PARD3: variants seen among roughly 807,000 people sequenced by gnomAD.
PARD3 encodes the protein partitioning defective 3 homolog.
PARD3 carries 75 observed loss-of-function variants against 155.4 expected under a neutral mutation model. That is an observed-to-expected ratio of 0.48 (90% CI 0.40 to 0.58). The LOEUF (loss-of-function observed/expected upper bound fraction) is 0.58. Ranked by LOEUF, PARD3 falls within the 20% of genes least tolerant of loss-of-function variation. PARD3 has a pLI of 0.00. For synonymous variants in PARD3, 576 were observed against 610.5 expected, an observed-to-expected ratio of 0.94 and a Z score of 0.83; for missense variants, 1,642 against 1,721.7, an observed-to-expected ratio of 0.95 and a Z score of 0.82.
At chr10:34,338,135 A>C (rs777817701) in intron 16 of PARD3, among the ~76,000 whole-genome samples, 2 of 152,268 alleles carry the variant, frequency 1.3e-5, no homozygotes, top group Non-Finnish European at 2.9e-5. Context: ...AGATGAGTGA[A>C]TAAACAGTAT....
In PARD3 at chr10:34,317,167, T is replaced by C; in HGVS notation, c.3005A>G (p.Lys1002Arg). The C allele has an allele frequency of 6.2e-7, 1 of 1,602,470 alleles. No individual in the cohort carries two copies. The highest frequency in any genetic ancestry group is 8.5e-7 in the Non-Finnish European group (1 of 1,173,818). ...TGKEKKKDRD[K>R]EKDKMKAKKG... ...CTTGGCTTTCATTTTATCCTTCTCCTTATCTCTATCTTTCTTCTTTTCTTT... is the reference window on the plus strand; with the variant it reads ...CTTGGCTTTCATTTTATCCTTCTCCCTATCTCTATCTTTCTTCTTTTCTTT... Residue 1002 changes from lysine (K) to arginine (R), a missense_variant, in exon 20 of 25, where the codon AAG becomes AGG. Coordinates refer to ENST00000374788, the MANE Select transcript of PARD3 (RefSeq NM_001184785.2).
At chr10:34,469,944 T>G in intron 4 of PARD3, 141 bp downstream of exon 4, 3 of 576,302 alleles carry the variant, frequency 5.2e-6, no homozygotes, top group Non-Finnish European at 6.0e-6. Context: ...AACTTTGATA[T>G]GAAAGTTGGT....
intron 2 of PARD3, among the ~76,000 whole-genome samples, chr10:34,520,733 A>G (rs2082094567): frequency 6.6e-6 from 1 of 152,216 alleles, no homozygotes; most frequent in Non-Finnish European, 1.5e-5. Context: ...TTTATTTATA[A>G]AATAAACAGG....
At chr10:34,375,056 ACAC>A in intron 10 of PARD3, 54 bp from the exon 11 acceptor site, 2 of 367,306 alleles carry the variant, frequency 5.4e-6, no homozygotes, top group Admixed American at 4.6e-5. Flanking sequence ...ACAGGAAAAC[ACAC>A]ACACACACAC....
chr10:34,544,498 T>C (rs186030941), intron 2 of PARD3, among the ~76,000 whole-genome samples: 1 of 151,718 alleles, frequency 6.6e-6, no homozygotes, highest in African/African-American at 2.4e-5. Flanking sequence ...ACATAATGTA[T>C]TGGCTCAAAA....
At chr10:34,145,221 A>ATTTTTTTTTTTTTTT (rs57442429) in intron 22 of PARD3, among the ~76,000 whole-genome samples, 3 of 33,972 alleles carry the variant, frequency 8.8e-5, no homozygotes, top group Admixed American at 4.0e-4. Context: ...ATATATATAT[A>ATTTTTTTTTTTTTTT]TTTTTTTTTT....
chr10:34,772,389 C>A (rs914858976), intron 1 of PARD3, among the ~76,000 whole-genome samples: 3 of 151,988 alleles, frequency 2.0e-5, no homozygotes, highest in Admixed American at 1.3e-4. Flanking sequence ...AAGTTATTTT[C>A]TCATTATCAA....
chr10:34,587,196 T>C (rs542926474), intron 2 of PARD3, among the ~76,000 whole-genome samples: 1 of 152,220 alleles, frequency 6.6e-6, no homozygotes, highest in East Asian at 1.9e-4. Context: ...CAATCTCGAC[T>C]CACTACAACC....
At chr10:34,247,689 G>A (rs1464408022) in intron 22 of PARD3, among the ~76,000 whole-genome samples, 3 of 152,118 alleles carry the variant, frequency 2.0e-5, no homozygotes, top group East Asian at 1.9e-4. Context: ...GGCTTGGGAT[G>A]GAATGAATAC....
At chr10:34,233,017 AT>A (rs3039283) in intron 22 of PARD3, among the ~76,000 whole-genome samples, 158 of 96,168 alleles carry the variant, frequency 1.6e-3, no homozygotes, top group African/African-American at 4.6e-3. Flanking sequence ...TCAAATGTTA[AT>A]TTTTTTTTTT....
intron 1 of PARD3, among the ~76,000 whole-genome samples, chr10:34,755,769 CT>C (rs72386420): frequency 0.68 from 103,393 of 151,814 alleles, 35,280 homozygotes; most frequent in Non-Finnish European, 0.72. Flanking sequence ...ATATAACATG[CT>C]TTTTTTTGCC....
chr10:34,167,994 G>A (rs966447731), intron 22 of PARD3, among the ~76,000 whole-genome samples: 30 of 152,104 alleles, frequency 2.0e-4, no homozygotes, highest in African/African-American at 6.8e-4. Flanking sequence ...AGAGGGTTAT[G>A]TTGAAACATG....
intron 22 of PARD3, among the ~76,000 whole-genome samples, chr10:34,267,941 T>A (rs74131662): frequency 0.017 from 2,660 of 152,202 alleles, 83 homozygotes; most frequent in African/African-American, 0.061. Context: ...AGCCCCTGGT[T>A]TTAATGAAAC....
intron 2 of PARD3, among the ~76,000 whole-genome samples, chr10:34,672,772 T>C (rs1465646079): frequency 2.0e-5 from 3 of 152,252 alleles, no homozygotes; most frequent in Non-Finnish European, 2.9e-5. Flanking sequence ...ATCTACATTT[T>C]TTTCTTCAAA....
rs147251426 is a variant in PARD3, at chr10:34,261,843, A to AACAC, written c.3419+7810_3419+7813dup. Among the ~76,000 whole-genome samples the AACAC allele has an allele frequency of 7.4e-4, 109 of 147,658 alleles. No individual in the cohort carries two copies. The East Asian group carries it at 0.01, about 14-fold the overall frequency. Reference sequence around the variant, plus strand: ...AAAGAAAGAAACAAACAAACAAACAAACACACACACACTGGACAGAATGCA... The same window carrying AACAC: ...AAAGAAAGAAACAAACAAACAAACAAACACACACACACACACTGGACAGAATGCA... On this transcript the variant is annotated intron_variant, in intron 22 of 24. Transcript: ENST00000374788.
chr10:34,352,197 C>T (rs1013304148), intron 14 of PARD3, among the ~76,000 whole-genome samples: 1 of 152,194 alleles, frequency 6.6e-6, no homozygotes, highest in Non-Finnish European at 1.5e-5. Context: ...ATATTTAAAA[C>T]TCAGCATAAT....
chr10:34,667,489 AGG>A (rs2093515831), intron 2 of PARD3, among the ~76,000 whole-genome samples: 1 of 152,252 alleles, frequency 6.6e-6, no homozygotes, highest in Admixed American at 6.5e-5. Context: ...CAGGAATTTA[AGG>A]CTACAAAATT....
chr10:34,223,147 T>G (rs1199823587), intron 22 of PARD3, among the ~76,000 whole-genome samples: 1 of 152,096 alleles, frequency 6.6e-6, no homozygotes. Context: ...ACACGGGGCC[T>G]GTAGACCACA....
intron 7 of PARD3, 79 bp from the exon 8 acceptor site, chr10:34,384,333 T>TTATA (rs1842136317): frequency 7.8e-7 from 1 of 1,276,348 alleles, no homozygotes; most frequent in Non-Finnish European, 1.1e-6. Flanking sequence ...AATGCTGTTA[T>TTATA]TATATTTACA....
Sources: allele counts gnomAD v4.1 joint callset (sites outside exome capture counted in the v4.1 genomes callset), GRCh38; gene constraint gnomAD v4.1.1; transcripts MANE v1.5; gene names NCBI Gene and HGNC (gene_info 2026-07-23, HGNC 2026-07-21).